The following BMPR1B variants were observed in gnomAD, a reference collection of about 807,000 sequenced individuals.
BMPR1B encodes the protein bone morphogenetic protein receptor type 1B, also known as bone morphogenetic protein receptor type-1B.
In BMPR1B, 12 loss-of-function variants were observed where a neutral mutation model predicts 59.1. That is an observed-to-expected ratio of 0.20 (90% CI 0.13 to 0.33). The LOEUF (loss-of-function observed/expected upper bound fraction) is 0.33. Among genes scored for constraint, BMPR1B ranks in the 10% least tolerant of loss-of-function variants. BMPR1B has a pLI of 1.00. For synonymous variants in BMPR1B, 237 were observed against 207.3 expected, an observed-to-expected ratio of 1.14 and a Z score of -1.23; for missense variants, 550 against 610.9, an observed-to-expected ratio of 0.90 and a Z score of 1.05.
At chr4:95,026,185 G>A (rs910897010) in intron 3 of BMPR1B, among the ~76,000 whole-genome samples, 5 of 58,844 alleles carry the variant, frequency 8.5e-5, no homozygotes, top group East Asian at 4.7e-4. Flanking sequence ...TCTGTAGATC[G>A]AAGAACATAA....
At chr4:94,785,438 A>G (rs775846664) in intron 1 of BMPR1B, among the ~76,000 whole-genome samples, 3 of 152,220 alleles carry the variant, frequency 2.0e-5, no homozygotes, top group Non-Finnish European at 4.4e-5. Flanking sequence ...GTGGCATCAC[A>G]ATGACCACAG....
intron 3 of BMPR1B, among the ~76,000 whole-genome samples, chr4:95,041,916 G>A (rs1725683659): frequency 6.6e-6 from 1 of 151,790 alleles, no homozygotes; most frequent in African/African-American, 2.4e-5. Context: ...GTGCAGTGGT[G>A]CGATCTCAAT....
chr4:94,832,805 G>C (rs181219808), intron 1 of BMPR1B, among the ~76,000 whole-genome samples: 574 of 152,082 alleles, frequency 3.8e-3, no homozygotes, highest in Non-Finnish European at 6.3e-3. Context: ...AATAAGGAAA[G>C]GTAGTGCAGT....
intron 1 of BMPR1B, among the ~76,000 whole-genome samples, chr4:94,854,243 G>A (rs1544393): frequency 0.61 from 92,453 of 151,892 alleles, 29,011 homozygotes; most frequent in African/African-American, 0.76. Flanking sequence ...ATAAAGGAGA[G>A]ATTATATGAA....
chr4:95,136,967 T>A (rs1733841699), intron 10 of BMPR1B, among the ~76,000 whole-genome samples: 2 of 152,192 alleles, frequency 1.3e-5, no homozygotes, highest in South Asian at 4.1e-4. Context: ...TGAATGTGTT[T>A]GCTCTTGCTT....
At chr4:95,097,416 C>T (rs1367437923) in intron 3 of BMPR1B, among the ~76,000 whole-genome samples, 1 of 151,844 alleles carries the variant, frequency 6.6e-6, no homozygotes, top group Non-Finnish European at 1.5e-5. Flanking sequence ...ATTCATGATT[C>T]TGTTTTTAAA....
In BMPR1B at chr4:95,130,452, G is replaced by A. The variant is rs192339850; in HGVS notation, c.778+398G>A. On this transcript the variant is annotated intron_variant, in intron 9 of 12. Transcript: ENST00000515059. ...TTATATTGAGAATTGATTTTGTTTC[G>A]CAAGTTAGAAATGATCTGTCTGGAT... 5.9e-5 allele frequency among the ~76,000 whole-genome samples: 9 copies of A among 152,158 alleles called. No individual in the cohort carries two copies. The East Asian group carries it at 7.7e-4, about 13-fold the overall frequency.
At chr4:94,851,928 G>A (rs115206019) in intron 1 of BMPR1B, among the ~76,000 whole-genome samples, 2,212 of 152,214 alleles carry the variant, frequency 0.015, 44 homozygotes, top group African/African-American at 0.05. Context: ...CGTACACTCA[G>A]TGCCTGGCAT....
At chr4:95,003,895 T>C (rs541269059) in intron 3 of BMPR1B, among the ~76,000 whole-genome samples, 2 of 136,828 alleles carry the variant, frequency 1.5e-5, no homozygotes, top group South Asian at 4.9e-4. Flanking sequence ...ACAACCTCCT[T>C]CTCCCAAGTT....
rs367798265 is a variant in BMPR1B at position 94,796,021 on chromosome 4, A to T, written c.-183+37953A>T. Reference sequence around the variant, plus strand: ...CGTCTGTCTCCCAGACTGGAGTGCAATGATGCAATCTCGGCTTACTGCAAC... The same window carrying T: ...CGTCTGTCTCCCAGACTGGAGTGCATTGATGCAATCTCGGCTTACTGCAAC... On this transcript the variant is annotated intron_variant, in intron 1 of 12. Coordinates refer to ENST00000515059, the MANE Select transcript of BMPR1B (RefSeq NM_001203.3). Among the ~76,000 whole-genome samples the T allele has an allele frequency of 9.9e-5, 15 of 151,552 alleles. No individual in the cohort carries two copies. The South Asian group carries it at 1.9e-3, about 19-fold the overall frequency.
chr4:94,796,250 T>C (rs1276327848), intron 1 of BMPR1B, among the ~76,000 whole-genome samples: 1 of 152,172 alleles, frequency 6.6e-6, no homozygotes, highest in East Asian at 1.9e-4. Flanking sequence ...CAAGTGTAAG[T>C]CACCATGCCC....
chr4:95,119,024 G>A (rs553116365), intron 6 of BMPR1B, among the ~76,000 whole-genome samples: 11 of 152,274 alleles, frequency 7.2e-5, no homozygotes, highest in African/African-American at 2.6e-4. Flanking sequence ...GCAGCTCAGG[G>A]TGTATCCTGT....
At chr4:95,131,167 T>G in intron 9 of BMPR1B, 48 bp from the exon 10 acceptor site, 6 of 1,542,262 alleles carry the variant, frequency 3.9e-6, no homozygotes, top group Non-Finnish European at 5.4e-6. Context: ...GAATTATTCC[T>G]GATACTATTT....
intron 4 of BMPR1B, among the ~76,000 whole-genome samples, chr4:95,108,689 A>C (rs1014055920): frequency 4.6e-5 from 7 of 152,062 alleles, no homozygotes; most frequent in Admixed American, 4.6e-4. Context: ...TGATATTCAC[A>C]TTAAAGGATG....
intron 3 of BMPR1B, among the ~76,000 whole-genome samples, chr4:95,050,642 T>TA (rs952826099): frequency 6.6e-6 from 1 of 152,184 alleles, no homozygotes; most frequent in Non-Finnish European, 1.5e-5. Flanking sequence ...TTTTTTAAAA[T>TA]ATCAAGTAAA....
chr4:95,117,699 T>A (rs1314373237), intron 6 of BMPR1B, among the ~76,000 whole-genome samples: 2 of 152,110 alleles, frequency 1.3e-5, no homozygotes, highest in Admixed American at 6.6e-5. Context: ...GGTGGGAGGA[T>A]CACTTGAGCC....
chr4:94,808,839 A>G (rs1226391973), intron 1 of BMPR1B, among the ~76,000 whole-genome samples: 1 of 152,126 alleles, frequency 6.6e-6, no homozygotes, highest in Non-Finnish European at 1.5e-5. Context: ...GGCGGATCAC[A>G]AAGTCAGGAG....
intron 2 of BMPR1B, among the ~76,000 whole-genome samples, chr4:94,920,478 T>C (rs1037894134): frequency 3.3e-5 from 5 of 152,180 alleles, no homozygotes; most frequent in Non-Finnish European, 7.4e-5. Context: ...CACAGCCGGC[T>C]ACATTGGCTT....
intron 2 of BMPR1B, among the ~76,000 whole-genome samples, chr4:94,988,854 C>T (rs1721565874): frequency 6.6e-6 from 1 of 151,818 alleles, no homozygotes; most frequent in African/African-American, 2.4e-5. Flanking sequence ...TGAAAAAAGC[C>T]CCTTTTTTTT....
Sources: allele counts gnomAD v4.1 joint callset (sites outside exome capture counted in the v4.1 genomes callset), GRCh38; gene constraint gnomAD v4.1.1; transcripts MANE v1.5; gene names NCBI Gene and HGNC (gene_info 2026-07-23, HGNC 2026-07-21).